Variants in MYO18B observed in about 807,000 individuals in gnomAD.
MYO18B encodes the protein myosin XVIIIB.
MYO18B carries 204 observed loss-of-function variants against 273.0 expected under a neutral mutation model. The ratio of observed to expected loss-of-function variants is 0.75; its 90% CI spans 0.67 to 0.84. MYO18B has a LOEUF of 0.84. Among genes scored for constraint, MYO18B ranks in the 40% least tolerant of loss-of-function variants. MYO18B has a pLI of 0.00. For synonymous variants in MYO18B, 1,330 were observed against 1,305.7 expected (o/e 1.02, Z -0.40); for missense variants, 3,212 against 3,287.6 (o/e 0.98, Z 0.56).
chr22:25,829,138 C>G (rs1348056789), intron 15 of MYO18B, among the ~76,000 whole-genome samples, 170 bp downstream of exon 15: 1 of 152,220 alleles, frequency 6.6e-6, no homozygotes, highest in Non-Finnish European at 1.5e-5. Flanking sequence ...CTGTTGCTCC[C>G]TCCACAGCCC....
At chr22:25,971,110 C>T (rs141514064) in intron 39 of MYO18B, among the ~76,000 whole-genome samples, 5 of 152,358 alleles carry the variant, frequency 3.3e-5, no homozygotes, top group East Asian at 1.9e-4. Flanking sequence ...CTCAACTCTG[C>T]TGTCGCAGCA....
intron 42 of MYO18B, among the ~76,000 whole-genome samples, chr22:26,013,116 A>G (rs1935044119): frequency 6.6e-6 from 1 of 151,284 alleles, no homozygotes; most frequent in Non-Finnish European, 1.5e-5. Context: ...TATTTTTTCA[A>G]GATGCATCTA....
Position 26,030,517 on chromosome 22 carries a change from C to A in MYO18B, c.*87C>A, listed in dbSNP as rs1048623261. On this transcript the variant is annotated 3_prime_UTR_variant, in exon 44 of 44. Transcript: ENST00000335473. Reference sequence around the variant, plus strand: ...GACAGAGAGACTGGCCAGGCCTCCCCGGTGGCCAGAGCCAGCCAGCATGGC... The same window carrying A: ...GACAGAGAGACTGGCCAGGCCTCCCAGGTGGCCAGAGCCAGCCAGCATGGC... 5.9e-6 allele frequency: 1 copy of A among 170,246 alleles called. No homozygotes were observed. The highest frequency in any genetic ancestry group is 6.3e-5 in the Admixed American group (1 of 15,766). The allele number at this position is 170,246 out of a possible 1,614,324, so 10.5% of individuals were successfully genotyped here.
chr22:26,023,997 G>A (rs956626356), intron 42 of MYO18B, among the ~76,000 whole-genome samples: 1 of 152,218 alleles, frequency 6.6e-6, no homozygotes, highest in Admixed American at 6.5e-5. Flanking sequence ...AAAGGAGGGA[G>A]CTGCTCTGGG....
intron 40 of MYO18B, among the ~76,000 whole-genome samples, chr22:26,001,824 C>T (rs556464151): frequency 6.6e-6 from 1 of 152,288 alleles, no homozygotes; most frequent in African/African-American, 2.4e-5. Flanking sequence ...CGAGTCCACC[C>T]GTGGGGCTAG....
chr22:25,959,058 A>C (rs193166112), intron 39 of MYO18B: 7 of 152,302 alleles, frequency 4.6e-5, no homozygotes, highest in Admixed American at 4.6e-4. Context: ...ATGAGAAAAT[A>C]CAACTAAGGC....
intron 41 of MYO18B, 38 bp downstream of exon 41, chr22:26,003,347 G>A (rs1276045683): frequency 6.4e-7 from 1 of 1,572,486 alleles, no homozygotes; most frequent in Non-Finnish European, 8.7e-7. Context: ...AGCTCACAAG[G>A]GTGAGCCCCT....
At chr22:25,855,705 G>A (rs5752238) in intron 21 of MYO18B, among the ~76,000 whole-genome samples, 63,542 of 152,004 alleles carry the variant, frequency 0.42, 14,069 homozygotes, top group East Asian at 0.9. Flanking sequence ...TGGTGCTGCA[G>A]TGAGCATACA....
At chr22:25,744,691 G>C (rs948016996) in intron 1 of MYO18B, among the ~76,000 whole-genome samples, 1 of 152,112 alleles carries the variant, frequency 6.6e-6, no homozygotes, top group Non-Finnish European at 1.5e-5. Flanking sequence ...CCGAGATCAC[G>C]CCATTGCACT....
intron 21 of MYO18B, among the ~76,000 whole-genome samples, chr22:25,866,636 G>A (rs934282179): frequency 1.3e-5 from 2 of 151,740 alleles, no homozygotes; most frequent in Admixed American, 1.3e-4. Context: ...GTCAAGAGAT[G>A]GAGACCATCC....
rs1055537685 is a variant in MYO18B, at chr22:25,959,453, T to A, written c.6156+4089T>A. 6.6e-5 allele frequency: 10 copies of A among 152,094 alleles called. 1 individual carries two copies. In the East Asian group the frequency reaches 1.9e-3, roughly 30 times the overall value. 9.4% of individuals were successfully genotyped at this position (152,094 alleles called of 1,614,324 possible). On this transcript the variant is annotated intron_variant, in intron 39 of 43. Transcript: ENST00000335473. ...GTGCCTGGCTAATTTTTCAATTTTT[T>A]AAAATAGAAGTGGGGTCTCACTACT...
At chr22:25,847,991 A>G (rs553452072) in intron 20 of MYO18B, among the ~76,000 whole-genome samples, 1 of 151,842 alleles carries the variant, frequency 6.6e-6, no homozygotes, top group East Asian at 1.9e-4. Flanking sequence ...GGATACATGT[A>G]CAGCACGTGC....
At chr22:26,031,443 C>A (rs1450601433), downstream of MYO18B, among the ~76,000 whole-genome samples, 1 of 152,206 alleles carries the variant, frequency 6.6e-6, no homozygotes, top group Admixed American at 6.5e-5. Flanking sequence ...TGGCTGTCTT[C>A]TCCCTGTGTC....
At chr22:25,825,017 A>G (rs1042014073) in intron 13 of MYO18B, among the ~76,000 whole-genome samples, 57 of 93,716 alleles carry the variant, frequency 6.1e-4, no homozygotes, top group African/African-American at 2.3e-3. Flanking sequence ...ATGTGCACAG[A>G]TATATATATA....
intron 21 of MYO18B, among the ~76,000 whole-genome samples, chr22:25,867,007 C>G (rs2090908408): frequency 6.6e-6 from 1 of 152,104 alleles, no homozygotes; most frequent in Non-Finnish European, 1.5e-5. Flanking sequence ...GCACGCAGTA[C>G]TGTTCAAGAC....
At chr22:26,047,535 C>A in the MYO18B span, among the ~76,000 whole-genome samples, 5 of 152,114 alleles carry the variant, frequency 3.3e-5, no homozygotes, top group Admixed American at 3.3e-4. Context: ...GCCAATATAA[C>A]CGGTTACCAC....
In MYO18B at chr22:26,016,052, C is replaced by G. The variant is rs146609125; in HGVS notation, c.6471-10393C>G. Among the ~76,000 whole-genome samples the G allele has an allele frequency of 9.2e-5, 14 of 152,266 alleles. No homozygotes were observed. The East Asian group carries it at 2.7e-3, about 29-fold the overall frequency. ...CTGCATCTTCATGGGGAACTGGGTG[C>G]TTTTATGAATGAGTCTGAGATTTTC... On this transcript the variant is annotated intron_variant, in intron 42 of 43. Transcript: ENST00000335473.
At chr22:25,985,304 T>C (rs1006317669) in intron 39 of MYO18B, among the ~76,000 whole-genome samples, 10 of 152,124 alleles carry the variant, frequency 6.6e-5, no homozygotes, top group African/African-American at 1.7e-4. Flanking sequence ...GCGGTTGCAG[T>C]GAGCTGAGAT....
chr22:26,007,143 G>A lies in MYO18B; in HGVS notation c.6470+2288G>A, dbSNP rs545721689. On this transcript the variant is annotated intron_variant, in intron 42 of 43. Coordinates refer to ENST00000335473, the MANE Select transcript of MYO18B (RefSeq NM_032608.7). The stretch of plus-strand genomic sequence containing the variant: ...AACAGGGAGGGGGCAGGAGGCAAGG[G>A]AGATACTTACACATCTGTAAGAAGG... Among the ~76,000 whole-genome samples the A allele has an allele frequency of 1.1e-3, 162 of 152,314 alleles. 2 individuals carry two copies. The South Asian group carries it at 0.032, about 30-fold the overall frequency.
Sources: allele counts gnomAD v4.1 joint callset (sites outside exome capture counted in the v4.1 genomes callset), GRCh38; gene constraint gnomAD v4.1.1; transcripts MANE v1.5; gene names NCBI Gene and HGNC (gene_info 2026-07-23, HGNC 2026-07-21).